JADE2: variants seen among roughly 807,000 people sequenced by gnomAD.
JADE2 encodes E3 ubiquitin-protein ligase Jade-2.
Under a neutral mutation model 85.7 loss-of-function variants are expected in JADE2, and 13 were observed. That is an observed-to-expected ratio of 0.15 (90% CI 0.10 to 0.24). JADE2 has a LOEUF of 0.24. Ranked by LOEUF, JADE2 falls within the 10% of genes least tolerant of loss-of-function variation. The pLI, the probability that JADE2 is intolerant of heterozygous loss-of-function variation, is 1.00. For synonymous variants in JADE2, 440 were observed against 456.1 expected (o/e 0.96, Z 0.45); for missense variants, 846 against 1,115.9 (o/e 0.76, Z 3.45).
At chr5:134,549,340 A>G (rs1762471195) in intron 3 of JADE2, among the ~76,000 whole-genome samples, 1 of 152,202 alleles carries the variant, frequency 6.6e-6, no homozygotes, top group Non-Finnish European at 1.5e-5. Flanking sequence ...CCTGGCCAAC[A>G]TGGTGAAACC....
Position 134,525,812 on chromosome 5 carries a change from C to T in JADE2, c.-200C>T. 3.0e-6 allele frequency: 3 copies of T among 1,012,328 alleles called. No homozygotes were observed. The highest frequency in any genetic ancestry group is 3.6e-6 in the Non-Finnish European group (3 of 844,668). The allele number at this position is 1,012,328 out of a possible 1,614,324, so 62.7% of individuals were successfully genotyped here. On this transcript the variant is annotated 5_prime_UTR_variant, in exon 1 of 12. Transcript: ENST00000681547. ...ACCGGCTTAGGTCCTGCGGGCCGAC[C>T]GTCCCCGGCGGGGGGCGTGGGGCCT...
intron 9 of JADE2, among the ~76,000 whole-genome samples, chr5:134,571,463 C>T (rs1200807775): frequency 6.6e-6 from 1 of 152,160 alleles, no homozygotes; most frequent in Non-Finnish European, 1.5e-5. Context: ...CTTTGGGAGG[C>T]CAAGGTGGGC....
intron 8 of JADE2, among the ~76,000 whole-genome samples, chr5:134,565,555 C>T (rs568700509): frequency 6.6e-6 from 1 of 152,168 alleles, no homozygotes; most frequent in South Asian, 2.1e-4. Context: ...CACAAAAATG[C>T]AGCTTGAGGC....
chr5:134,551,786 A>T (rs760698078), intron 3 of JADE2, among the ~76,000 whole-genome samples: 7 of 152,082 alleles, frequency 4.6e-5, no homozygotes, highest in Non-Finnish European at 8.8e-5. Flanking sequence ...GTCCACTCCC[A>T]ACTATCCCTC....
At chr5:134,563,314 T>TAAA (rs397966244) in intron 7 of JADE2, among the ~76,000 whole-genome samples, 1 of 140,258 alleles carries the variant, frequency 7.1e-6, no homozygotes, top group South Asian at 2.3e-4. Context: ...TGAGACTGTT[T>TAAA]AAAAAAAAAA....
Position 134,582,080 on chromosome 5 carries a change from A to T in JADE2, c.*2763A>T, listed in dbSNP as rs1352845523. 2.6e-5 allele frequency: 4 copies of T among 152,230 alleles called. No individual in the cohort carries two copies. The highest frequency in any genetic ancestry group is 9.7e-5 in the African/African-American group (4 of 41,434). 9.4% of individuals were successfully genotyped at this position (152,230 alleles called of 1,614,324 possible). A position where few individuals can be genotyped will look rare whatever the true frequency, so the allele number is the denominator to read the frequency against. On this transcript the variant is annotated 3_prime_UTR_variant, in exon 12 of 12. Transcript: ENST00000681547. ...ACACACAGCTCCTCCGCAGGGAAGG[A>T]GAAGCTGCTCTGTAACTCATTCTGG...
In JADE2 at chr5:134,560,864, C is replaced by T. The variant is rs376969340; in HGVS notation, c.591C>T (p.Asp197=). Residue 197 remains aspartate (D), a synonymous_variant, in exon 6 of 12, where the codon GAC becomes GAT. Transcript: ENST00000681547. ...AGGAGGGGCTGGGCATCGAGTACGA[C>T]GAGGATGTTGTCTGCGACGTGTGTC... ...ETQEGLGIEY[D]EDVVCDVCRS... is the part of the protein sequence containing the mutation. 8.1e-6 allele frequency: 13 copies of T among 1,614,084 alleles called. No homozygotes were observed. The highest frequency in any genetic ancestry group is 4.0e-5 in the African/African-American group (3 of 74,918).
intron 1 of JADE2, chr5:134,526,526 C>T (rs767758355): frequency 4.9e-5 from 48 of 985,226 alleles, no homozygotes; most frequent in Non-Finnish European, 5.7e-5. Flanking sequence ...ATACGCAGCA[C>T]GTCCGGGCGC....
chr5:134,526,837 C>T (rs1760860161), intron 1 of JADE2: 2 of 864,300 alleles, frequency 2.3e-6, no homozygotes, highest in Non-Finnish European at 2.8e-6. Flanking sequence ...CGGGGCCGCG[C>T]GGTAGTCCAG....
chr5:134,533,479 C>G, intron 1 of JADE2: 1 of 943,686 alleles, frequency 1.1e-6, no homozygotes, highest in Non-Finnish European at 1.3e-6. Context: ...AGGATTTGAA[C>G]CCATCAACAA....
chr5:134,565,739 A>G (rs1182769843), intron 8 of JADE2, among the ~76,000 whole-genome samples: 1 of 151,700 alleles, frequency 6.6e-6, no homozygotes, highest in African/African-American at 2.4e-5. Flanking sequence ...AGGCTGAGGC[A>G]GGAGAATCGC....
intron 3 of JADE2, among the ~76,000 whole-genome samples, chr5:134,550,937 C>G (rs759509566): frequency 2.6e-5 from 4 of 152,180 alleles, no homozygotes; most frequent in Admixed American, 6.5e-5. Flanking sequence ...TTCCTACCCC[C>G]CCTTCCCCAA....
At chr5:134,532,871 A>T (rs1761333538) in intron 1 of JADE2, among the ~76,000 whole-genome samples, 1 of 152,154 alleles carries the variant, frequency 6.6e-6, no homozygotes, top group Non-Finnish European at 1.5e-5. Context: ...AGGCCTTTGG[A>T]AGACTTGGTT....
intron 9 of JADE2, among the ~76,000 whole-genome samples, chr5:134,568,339 GGAGTT>G (rs1335366350): frequency 6.6e-6 from 1 of 152,230 alleles, no homozygotes; most frequent in African/African-American, 2.4e-5. Flanking sequence ...GGGCAGAAAA[GGAGTT>G]GTTGGCTTAT....
intron 9 of JADE2, among the ~76,000 whole-genome samples, chr5:134,568,434 A>G (rs1221939136): frequency 1.3e-5 from 2 of 152,144 alleles, no homozygotes; most frequent in African/African-American, 4.8e-5. Context: ...TGGCTGGTTC[A>G]GGTGGAGCCT....
At chr5:134,531,062 A>G (rs780796105) in intron 1 of JADE2, among the ~76,000 whole-genome samples, 8 of 152,328 alleles carry the variant, frequency 5.3e-5, no homozygotes, top group Admixed American at 2.0e-4. Context: ...TTCCGTGGAC[A>G]CTGGGTGGTG....
chr5:134,582,652 A>C lies in JADE2; in HGVS notation c.*3335A>C, dbSNP rs1581503604. The C allele has an allele frequency of 6.6e-6, 1 of 152,670 alleles. No individual in the cohort carries two copies. Among genetic ancestry groups the C allele is most frequent in the Non-Finnish European group, 1.5e-5 (1 of 68,044 alleles). 9.5% of individuals were successfully genotyped at this position (152,670 alleles called of 1,614,324 possible). A position where few individuals can be genotyped will look rare whatever the true frequency, so the allele number is the denominator to read the frequency against. On this transcript the variant is annotated 3_prime_UTR_variant, in exon 12 of 12. Transcript: ENST00000681547. The stretch of plus-strand genomic sequence containing the variant: ...CGCTGGCCACATTGGCCAATGAGCC[A>C]GGGCTGGAGTCTGAGACCTTTGGTT...
intron 4 of JADE2, among the ~76,000 whole-genome samples, chr5:134,554,649 G>A (rs1260001638): frequency 2.0e-5 from 3 of 152,140 alleles, no homozygotes; most frequent in African/African-American, 4.8e-5. Flanking sequence ...CTAAGCTGAC[G>A]TGAGCTGGGC....
At chr5:134,543,166 C>T (rs1230044795) in intron 3 of JADE2, among the ~76,000 whole-genome samples, 1 of 151,656 alleles carries the variant, frequency 6.6e-6, no homozygotes, top group Non-Finnish European at 1.5e-5. Flanking sequence ...TCCCAAGTAG[C>T]TAGGATTACA....
Sources: gnomAD v4.1 joint callset for allele counts (sites outside exome capture counted in the v4.1 genomes callset) on GRCh38, gnomAD v4.1.1 for gene constraint, MANE v1.5 for transcripts, NCBI Gene and HGNC (gene_info 2026-07-23, HGNC 2026-07-21) for gene names.